Variants in MYT1 observed in about 807,000 individuals in gnomAD.
MYT1 encodes myelin transcription factor I.
A neutral mutation model predicts 123.0 loss-of-function variants in MYT1; 23 were observed. The ratio of observed to expected loss-of-function variants is 0.19; its 90% CI spans 0.13 to 0.26. The LOEUF (loss-of-function observed/expected upper bound fraction) is 0.26. Among genes scored for constraint, MYT1 ranks in the 10% least tolerant of loss-of-function variants. The pLI is 1.00. For missense variants in MYT1, 1,125 were observed against 1,472.5 expected, an observed-to-expected ratio of 0.76 and a Z score of 3.86; for synonymous variants, 518 against 575.3, an observed-to-expected ratio of 0.90 and a Z score of 1.43.
chr20:64,234,801 C>T (rs1318256484), intron 19 of MYT1, among the ~76,000 whole-genome samples: 23 of 141,802 alleles, frequency 1.6e-4, no homozygotes, highest in East Asian at 4.5e-4. Flanking sequence ...GTGTGTGACC[C>T]GGGGCTGGCC....
rs397753483 is a variant in MYT1, at chr20:64,195,401, C to CTTT, written c.1-3451_1-3449dup. Among the ~76,000 whole-genome samples, 9 of 104,014 alleles carry CTTT rather than the reference C, an allele frequency of 8.7e-5. 1 individual carries two copies. In the East Asian group the frequency reaches 1.1e-3, roughly 13 times the overall value. 68.2% of individuals were successfully genotyped at this position (104,014 alleles called of 152,430 possible). A position where few individuals can be genotyped will look rare whatever the true frequency, so the allele number is the denominator to read the frequency against. On this transcript the variant is annotated intron_variant, in intron 2 of 22. Transcript: ENST00000328439. ...GTGTGTGTGTGTGTGTGTGTGTATA[C>CTTT]TTTTTTTTTTTTGAGACGGAGTCTC...
chr20:64,173,395 A>G (rs2145690197), intron 1 of MYT1, among the ~76,000 whole-genome samples: 1 of 152,252 alleles, frequency 6.6e-6, no homozygotes, highest in East Asian at 1.9e-4. Flanking sequence ...CCTAGTCAGT[A>G]GAGATGGTCA....
Position 64,240,417 on chromosome 20 carries a change from T to C in MYT1, c.3335T>C (p.Ile1112Thr), listed in dbSNP as rs1984682377. 1 of 1,613,590 alleles carries C rather than the reference T, an allele frequency of 6.2e-7. No homozygotes were observed. The highest frequency in any genetic ancestry group is 1.3e-5 in the African/African-American group (1 of 74,926). Residue 1112 changes from isoleucine to threonine, a missense_variant, in exon 23 of 23, where the codon ATC becomes ACC. This residue lies in a region of MYT1 where 243 missense variants were observed against 323.1 expected (regional missense o/e 0.75). Coordinates refer to ENST00000328439, the MANE Select transcript of MYT1 (RefSeq NM_004535.3). The part of the protein sequence containing the change: ...DPENKDLLES[I>T]KQAVRGIQV ...GAGAACAAGGACCTCCTGGAGAGCA[T>C]CAAGCAGGCTGTGAGGGGCATCCAG...
rs571126366 is a variant in MYT1, at chr20:64,192,562, G to A, written c.-1+2402G>A. On this transcript the variant is annotated intron_variant, in intron 2 of 22. Transcript: ENST00000328439. This position sits in a 1 kb window ranked among gnomAD's most constrained non-coding sequence, Gnocchi z 5.3. Reference sequence around the variant, plus strand: ...GCATGGGACCGTCACAGCCTGCGGCGTGCCTCTGAGTTCAGCACCAGGCAT... The same window carrying A: ...GCATGGGACCGTCACAGCCTGCGGCATGCCTCTGAGTTCAGCACCAGGCAT... 1.8e-4 allele frequency among the ~76,000 whole-genome samples: 28 copies of A among 152,300 alleles called. No homozygotes were observed. The highest frequency in any genetic ancestry group is 3.8e-4 in the African/African-American group (16 of 41,568).
Position 64,228,177 on chromosome 20 carries a change from G to A in MYT1, c.2675+206G>A. On this transcript the variant is annotated intron_variant, in intron 18 of 22. Coordinates refer to ENST00000328439, the MANE Select transcript of MYT1 (RefSeq NM_004535.3). ...ACCTGTGAAGATAGGAGCCCTGGAT[G>A]TCGCGTGGAGGGCATGGGTGCCAGA... 3 of 582,830 alleles carry A rather than the reference G, an allele frequency of 5.1e-6. No homozygotes were observed. In the South Asian group the frequency reaches 6.6e-5, roughly 13 times the overall value. 36.1% of individuals were successfully genotyped at this position (582,830 alleles called of 1,614,324 possible). A position where few individuals can be genotyped will look rare whatever the true frequency, so the allele number is the denominator to read the frequency against.
Position 64,236,775 on chromosome 20 carries a change from G to A in MYT1, c.2989+129G>A. ...CCCTCCTGGAATGAGTCACGGCAGA[G>A]GCAGATCCCTTCACCTAAGCTGACA... On this transcript the variant is annotated intron_variant, in intron 20 of 22. Transcript: ENST00000328439. The A allele has an allele frequency of 2.6e-6, 2 of 756,138 alleles. 1 individual carries two copies. The highest frequency in any genetic ancestry group is 4.7e-5 in the Admixed American group (2 of 42,500). The allele number at this position is 756,138 out of a possible 1,614,324, so 46.8% of individuals were successfully genotyped here. A position where few individuals can be genotyped will look rare whatever the true frequency, so the allele number is the denominator to read the frequency against.
chr20:64,231,268 G>A lies in MYT1; in HGVS notation c.2676-896G>A, dbSNP rs930904804. Among the ~76,000 whole-genome samples, 36 of 152,264 alleles carry A rather than the reference G, an allele frequency of 2.4e-4. 1 individual carries two copies. The highest frequency in any genetic ancestry group is 3.4e-3 in the Middle Eastern group (1 of 294). ...TTGAAGATCTTGTCCTGGGTTTGGCGTGGGTTCCTGGATGACGTGGTCCCT... is the reference window on the plus strand; with the variant it reads ...TTGAAGATCTTGTCCTGGGTTTGGCATGGGTTCCTGGATGACGTGGTCCCT... On this transcript the variant is annotated intron_variant, in intron 18 of 22. Transcript: ENST00000328439. This position sits in a 1 kb window ranked among gnomAD's most constrained non-coding sequence, Gnocchi z 6.4.
Position 64,212,486 on chromosome 20 carries a change from T to C in MYT1, c.1517+348T>C, listed in dbSNP as rs1983710229. 6.6e-6 allele frequency among the ~76,000 whole-genome samples: 1 copy of C among 151,994 alleles called. No individual in the cohort carries two copies. ...AACTGGAGGTGCAGTCACCCAGTGG[T>C]GTTGCTGCCTTAACCCTACGAGCTC... On this transcript the variant is annotated intron_variant, in intron 9 of 22. Coordinates refer to ENST00000328439, the MANE Select transcript of MYT1 (RefSeq NM_004535.3). This position sits in a 1 kb window ranked among gnomAD's most constrained non-coding sequence, Gnocchi z 6.8.
chr20:64,233,171 CCCTCCCCTCTCCCCTTT>C (rs1374496062), intron 19 of MYT1, among the ~76,000 whole-genome samples: 10 of 125,884 alleles, frequency 7.9e-5, no homozygotes, highest in Admixed American at 4.9e-4. Context: ...CCTTCCCTTT[CCCTCCCCTCTCCCCTTT>C]CCTCCCCTCT....
rs1982759008 is a variant in MYT1 at position 64,185,035 on chromosome 20, G to A, written c.-98-5028G>A. Reference sequence around the variant, plus strand: ...GCCTGTTGTTCCAGTAGAGGGATGTGGGTGGAGGCCAACTGTGGTGGGGAG... The same window carrying A: ...GCCTGTTGTTCCAGTAGAGGGATGTAGGTGGAGGCCAACTGTGGTGGGGAG... On this transcript the variant is annotated intron_variant, in intron 1 of 22. Coordinates refer to ENST00000328439, the MANE Select transcript of MYT1 (RefSeq NM_004535.3). This position sits in a 1 kb window ranked among gnomAD's most constrained non-coding sequence, Gnocchi z 4.5. Among the ~76,000 whole-genome samples the A allele has an allele frequency of 6.6e-6, 1 of 152,198 alleles. No homozygotes were observed. The highest frequency in any genetic ancestry group is 2.4e-5 in the African/African-American group (1 of 41,444).
chr20:64,184,140 G>A (rs746613769), intron 1 of MYT1, among the ~76,000 whole-genome samples: 27 of 152,238 alleles, frequency 1.8e-4, no homozygotes, highest in African/African-American at 3.9e-4. Flanking sequence ...TTTTAACTCC[G>A]AAAGTTTTAA....
chr20:64,207,993 AGGAGGAAGAG>A lies in MYT1; in HGVS notation c.799_808del (p.Glu267ArgfsTer42). The stretch of plus-strand genomic sequence containing the variant: ...GAAGAGGAGGACGAGGAGGAGGAGG[AGGAGGAAGAG>A]GAGGAGGAGGAGGATGAAGAAGAGG... On this transcript the variant is annotated frameshift_variant, in exon 7 of 23. Transcript: ENST00000328439. LOFTEE classifies it high-confidence loss of function. 6.3e-7 allele frequency: 1 copy of A among 1,589,240 alleles called. No individual in the cohort carries two copies.
chr20:64,169,856 G>A (rs1160011064), intron 1 of MYT1, among the ~76,000 whole-genome samples: 1 of 152,162 alleles, frequency 6.6e-6, no homozygotes, highest in Non-Finnish European at 1.5e-5. Flanking sequence ...TCTCATGAAC[G>A]TGTTCTGTAC....
At chr20:64,165,171 G>A (rs1472072687) in intron 1 of MYT1, among the ~76,000 whole-genome samples, 1 of 152,062 alleles carries the variant, frequency 6.6e-6, no homozygotes, top group Non-Finnish European at 1.5e-5. Context: ...TCTGAAGCAG[G>A]GTCTCAGAGT....
At chr20:64,234,770 T>TGTGACCCGGGGCTGGCCGTGGTGG (rs1984450828) in intron 19 of MYT1, among the ~76,000 whole-genome samples, 1 of 132,732 alleles carries the variant, frequency 7.5e-6, no homozygotes, top group Non-Finnish European at 1.6e-5. Flanking sequence ...GGCCGTGGTA[T>TGTGACCCGGGGCTGGCCGTGGTGG]GTGACCCTGG....
Position 64,232,958 on chromosome 20 carries a change from C to T in MYT1, c.2897+573C>T, listed in dbSNP as rs941994871. ...TCTCGCCTGCCCTCCAACACCTGCT[C>T]CAGAGCCGAAGGACCTTGCTTCACC... is the stretch of plus-strand genomic sequence containing the variant. On this transcript the variant is annotated intron_variant, in intron 19 of 22. Coordinates refer to ENST00000328439, the MANE Select transcript of MYT1 (RefSeq NM_004535.3). The surrounding 1 kb of genome is among the most constrained non-coding windows in gnomAD (Gnocchi z 6.9). Among the ~76,000 whole-genome samples the T allele has an allele frequency of 9.9e-5, 15 of 151,868 alleles. No homozygotes were observed. The highest frequency in any genetic ancestry group is 2.1e-4 in the Non-Finnish European group (14 of 67,924).
intron 1 of MYT1, among the ~76,000 whole-genome samples, chr20:64,183,931 C>T (rs2983451): frequency 0.041 from 6,268 of 152,198 alleles, 165 homozygotes; most frequent in South Asian, 0.1. Flanking sequence ...AGTGATTCTC[C>T]TGCCTCAGCC....
intron 10 of MYT1, among the ~76,000 whole-genome samples, chr20:64,215,104 CTATCT>C (rs1325778431): frequency 6.6e-6 from 1 of 152,200 alleles, no homozygotes; most frequent in Non-Finnish European, 1.5e-5. Context: ...CTTTTTTCCT[CTATCT>C]TATTTGCTGT....
chr20:64,199,823 G>T, intron 3 of MYT1, 69 bp from the exon 4 acceptor site: 1 of 1,543,106 alleles, frequency 6.5e-7, no homozygotes, highest in Non-Finnish European at 9.0e-7. Context: ...CTTAGTTTAT[G>T]CTGTTAGGGC....
Sources: gnomAD v4.1 joint callset for allele counts (sites outside exome capture counted in the v4.1 genomes callset) on GRCh38, gnomAD v4.1.1 for gene constraint, gnomAD v4.1.1 regional missense constraint, Gnocchi (gnomAD v3.1) non-coding constraint, MANE v1.5 for transcripts, NCBI Gene and HGNC (gene_info 2026-07-23, HGNC 2026-07-21) for gene names.